The following XPO4 variants were observed in gnomAD, a reference collection of about 807,000 sequenced individuals.
XPO4 encodes exportin-4.
A neutral mutation model predicts 143.0 loss-of-function variants in XPO4; 39 were observed. The observed-to-expected ratio is 0.27, with a 90% CI of 0.21 to 0.36. The LOEUF is 0.36. Ranked by LOEUF, XPO4 falls within the 10% of genes least tolerant of loss-of-function variation. The pLI is 1.00. For synonymous variants in XPO4, 439 were observed against 474.0 expected (o/e 0.93, Z 0.96); for missense variants, 907 against 1,348.0 (o/e 0.67, Z 5.12).
chr13:20,846,359 A>C (rs571867948), intron 4 of XPO4, among the ~76,000 whole-genome samples: 15 of 152,314 alleles, frequency 9.8e-5, no homozygotes, highest in African/African-American at 3.6e-4. Context: ...AGTGAAGGAG[A>C]GGGGCAGGGC....
intron 3 of XPO4, among the ~76,000 whole-genome samples, chr13:20,859,594 C>G (rs536707213): frequency 6.8e-6 from 1 of 147,140 alleles, no homozygotes; most frequent in Non-Finnish European, 1.5e-5. Context: ...ACCGAGACTC[C>G]GTCTCAAAAA....
chr13:20,807,723 C>A, intron 12 of XPO4, 89 bp from the exon 13 acceptor site: 1 of 984,080 alleles, frequency 1.0e-6, no homozygotes, highest in Non-Finnish European at 1.4e-6. Context: ...GATTTATATA[C>A]ATCATATAAA....
chr13:20,878,892 G>T (rs1269991673), intron 1 of XPO4, among the ~76,000 whole-genome samples: 1 of 152,092 alleles, frequency 6.6e-6, no homozygotes, highest in African/African-American at 2.4e-5. Flanking sequence ...TTAAAACCTT[G>T]CATTTCTTTA....
intron 7 of XPO4, among the ~76,000 whole-genome samples, chr13:20,826,336 A>G (rs1444079269): frequency 6.6e-6 from 1 of 152,242 alleles, no homozygotes; most frequent in Admixed American, 6.5e-5. Context: ...TAAATATAAT[A>G]AGTATAAAAC....
chr13:20,843,678 A>T, intron 5 of XPO4, 92 bp downstream of exon 5: 1 of 901,372 alleles, frequency 1.1e-6, no homozygotes, highest in Non-Finnish European at 1.7e-6. Flanking sequence ...CCATTCAACT[A>T]CATAAAATAA....
chr13:20,830,095 A>T (rs1197463618), intron 6 of XPO4, among the ~76,000 whole-genome samples: 1 of 152,174 alleles, frequency 6.6e-6, no homozygotes, highest in African/African-American at 2.4e-5. Flanking sequence ...CTGATTTTTT[A>T]AAATCTTGGT....
chr13:20,899,796 A>C (rs1473232446), intron 1 of XPO4, among the ~76,000 whole-genome samples: 1 of 152,232 alleles, frequency 6.6e-6, no homozygotes, highest in African/African-American at 2.4e-5. Context: ...AAGCATATTA[A>C]CAGTTAAAAT....
intron 1 of XPO4, among the ~76,000 whole-genome samples, chr13:20,881,622 AAT>A (rs1264992931): frequency 6.6e-6 from 1 of 152,148 alleles, no homozygotes; most frequent in Non-Finnish European, 1.5e-5. Flanking sequence ...TGAGCAATAT[AAT>A]AAAAGAAATA....
At chr13:20,879,785 G>A (rs926267498) in intron 1 of XPO4, among the ~76,000 whole-genome samples, 1 of 152,116 alleles carries the variant, frequency 6.6e-6, no homozygotes, top group African/African-American at 2.4e-5. Context: ...GCAATCCACA[G>A]AATGGGAGAA....
At chr13:20,866,341 C>T in intron 2 of XPO4, 1 of 985,074 alleles carries the variant, frequency 1.0e-6, no homozygotes, top group Non-Finnish European at 1.2e-6. Context: ...ACATATAAAA[C>T]TCAAGTTAGA....
intron 16 of XPO4, 135 bp downstream of exon 16, chr13:20,799,030 A>G (rs2059396899): frequency 1.0e-6 from 1 of 986,404 alleles, no homozygotes; most frequent in South Asian, 2.7e-5. Context: ...CAGAAAAAAA[A>G]AAAAAAGAAA....
chr13:20,792,586 TAAAC>T (rs1329600952), intron 18 of XPO4, among the ~76,000 whole-genome samples: 21 of 138,722 alleles, frequency 1.5e-4, no homozygotes, highest in African/African-American at 6.2e-4. Flanking sequence ...AACAAACAAA[TAAAC>T]AAACAAATTA....
intron 6 of XPO4, among the ~76,000 whole-genome samples, chr13:20,829,040 T>G (rs927308195): frequency 4.6e-5 from 7 of 152,236 alleles, no homozygotes; most frequent in Non-Finnish European, 7.3e-5. Flanking sequence ...AATAACGGGA[T>G]GCCAAAGGCT....
At chr13:20,878,715 C>T (rs1397641487) in intron 1 of XPO4, among the ~76,000 whole-genome samples, 2 of 152,084 alleles carry the variant, frequency 1.3e-5, no homozygotes, top group Non-Finnish European at 2.9e-5. Flanking sequence ...ATGAGGTCGA[C>T]GAGGCAGGGA....
rs2059180655 is a variant in XPO4 at position 20,784,823 on chromosome 13, G to T, written c.3259-904C>A. On this transcript the variant is annotated intron_variant, in intron 22 of 22. Transcript: ENST00000255305. ...GCAGTTGTGGTGGTGCACAGCTGTAGTCCCAGCTACTTGGGAGGCTGAGAT... is the reference window on the plus strand; with the variant it reads ...GCAGTTGTGGTGGTGCACAGCTGTATTCCCAGCTACTTGGGAGGCTGAGAT... Among the ~76,000 whole-genome samples, 4 of 152,058 alleles carry T rather than the reference G, an allele frequency of 2.6e-5. No homozygotes were observed. In the South Asian group the frequency reaches 8.3e-4, roughly 32 times the overall value.
chr13:20,802,487 A>G (rs1231552497), intron 13 of XPO4, among the ~76,000 whole-genome samples: 1 of 152,222 alleles, frequency 6.6e-6, no homozygotes, highest in Non-Finnish European at 1.5e-5. Flanking sequence ...GTACAGTAAT[A>G]CATTTAAGTT....
intron 1 of XPO4, among the ~76,000 whole-genome samples, chr13:20,896,389 T>C (rs1483065085): frequency 2.6e-5 from 4 of 152,214 alleles, no homozygotes; most frequent in Admixed American, 6.5e-5. Context: ...ATAGCCTTCA[T>C]TTAATTCAGC....
chr13:20,845,232 A>T (rs1425747849), intron 4 of XPO4, among the ~76,000 whole-genome samples: 1 of 152,194 alleles, frequency 6.6e-6, no homozygotes, highest in African/African-American at 2.4e-5. Flanking sequence ...CAACTAAAAC[A>T]AGCGTGACTA....
At chr13:20,828,924 G>T (rs987169705) in intron 6 of XPO4, among the ~76,000 whole-genome samples, 1 of 152,176 alleles carries the variant, frequency 6.6e-6, no homozygotes, top group Non-Finnish European at 1.5e-5. Context: ...TGACACCTAG[G>T]ATTTGCTTCA....
Sources: allele counts gnomAD v4.1 joint callset (sites outside exome capture counted in the v4.1 genomes callset), GRCh38; gene constraint gnomAD v4.1.1; transcripts MANE v1.5; gene names NCBI Gene and HGNC (gene_info 2026-07-23, HGNC 2026-07-21).